Variants in KCND2 observed in about 807,000 individuals in gnomAD.
KCND2 encodes potassium voltage-gated channel subfamily D member 2.
KCND2 carries 16 observed loss-of-function variants against 54.4 expected under a neutral mutation model. The observed-to-expected ratio is 0.29, with a 90% CI of 0.20 to 0.45. The LOEUF is 0.45. KCND2 is among the 20% of genes least tolerant of loss of function. KCND2 has a pLI of 1.00. For missense variants in KCND2, 486 were observed against 824.2 expected (o/e 0.59, Z 5.02); for synonymous variants, 317 against 310.7 (o/e 1.02, Z -0.21).
intron 1 of KCND2, among the ~76,000 whole-genome samples, chr7:120,702,549 A>G (rs539770086): frequency 6.6e-6 from 1 of 152,230 alleles, no homozygotes; most frequent in Non-Finnish European, 1.5e-5. Flanking sequence ...CTAAATGTCC[A>G]TCAATAGTAG....
chr7:120,745,531 A>G (rs2116189120), intron 4 of KCND2, among the ~76,000 whole-genome samples: 1 of 152,202 alleles, frequency 6.6e-6, no homozygotes, highest in East Asian at 1.9e-4. Flanking sequence ...TTCAAGATAA[A>G]GTTAGTCTAT....
intron 1 of KCND2, among the ~76,000 whole-genome samples, chr7:120,600,240 T>C (rs1260231907): frequency 2.6e-5 from 4 of 151,974 alleles, no homozygotes; most frequent in Non-Finnish European, 4.4e-5. Flanking sequence ...CCATAATCCA[T>C]CCCTTGTATA....
At chr7:120,693,275 C>G (rs1792294314) in intron 1 of KCND2, among the ~76,000 whole-genome samples, 1 of 152,084 alleles carries the variant, frequency 6.6e-6, no homozygotes, top group South Asian at 2.1e-4. Context: ...AATAATCATA[C>G]TATTCATCCT....
chr7:120,343,361 G>A (rs891551767), intron 1 of KCND2, among the ~76,000 whole-genome samples: 2 of 151,964 alleles, frequency 1.3e-5, no homozygotes, highest in Non-Finnish European at 2.9e-5. Context: ...GTAGAAAATG[G>A]GTAGAACATT....
intron 1 of KCND2, among the ~76,000 whole-genome samples, chr7:120,616,969 T>C (rs1195904879): frequency 6.6e-6 from 1 of 152,156 alleles, no homozygotes; most frequent in African/African-American, 2.4e-5. Context: ...AAACAACTGA[T>C]CATTGGGGTC....
chr7:120,692,372 T>C (rs1283865782), intron 1 of KCND2, among the ~76,000 whole-genome samples: 3 of 152,168 alleles, frequency 2.0e-5, no homozygotes, highest in Non-Finnish European at 4.4e-5. Context: ...TTAAATTCCT[T>C]AATACAAACT....
At chr7:120,454,670 G>A (rs1464274311) in intron 1 of KCND2, among the ~76,000 whole-genome samples, 1 of 152,040 alleles carries the variant, frequency 6.6e-6, no homozygotes, top group Non-Finnish European at 1.5e-5. Context: ...TCCAAAAATT[G>A]AGAAAAGGGA....
At chr7:120,277,137 C>G (rs1174829257) in intron 1 of KCND2, among the ~76,000 whole-genome samples, 1 of 152,032 alleles carries the variant, frequency 6.6e-6, no homozygotes, top group East Asian at 1.9e-4. Context: ...CTAGGTTAAA[C>G]AAGAAATTGG....
intron 1 of KCND2, among the ~76,000 whole-genome samples, chr7:120,702,336 T>C (rs1792412917): frequency 6.6e-6 from 1 of 152,180 alleles, no homozygotes; most frequent in African/African-American, 2.4e-5. Context: ...TTATATGCAG[T>C]TGATAGGAGT....
intron 1 of KCND2, among the ~76,000 whole-genome samples, chr7:120,278,868 A>AT (rs571850677): frequency 1.3e-5 from 2 of 151,602 alleles, no homozygotes; most frequent in Non-Finnish European, 3.0e-5. Flanking sequence ...TAATGTCAGA[A>AT]TTTTTTTTAA....
chr7:120,640,714 A>G (rs1554379754), intron 1 of KCND2, among the ~76,000 whole-genome samples: 1 of 152,218 alleles, frequency 6.6e-6, no homozygotes, highest in Non-Finnish European at 1.5e-5. Flanking sequence ...TCAGTGATGT[A>G]ATAATGCTGC....
At chr7:120,290,709 A>T (rs1799422590) in intron 1 of KCND2, among the ~76,000 whole-genome samples, 1 of 151,982 alleles carries the variant, frequency 6.6e-6, no homozygotes, top group Non-Finnish European at 1.5e-5. Flanking sequence ...TATCCTGTAC[A>T]TTAAGAGCTA....
chr7:120,404,715 G>A (rs1801323696), intron 1 of KCND2, among the ~76,000 whole-genome samples: 1 of 152,092 alleles, frequency 6.6e-6, no homozygotes, highest in Non-Finnish European at 1.5e-5. Context: ...TTTTTGATAT[G>A]TGTGATAGAG....
chr7:120,717,961 A>G (rs1441249142), intron 1 of KCND2, among the ~76,000 whole-genome samples: 1 of 152,036 alleles, frequency 6.6e-6, no homozygotes, highest in African/African-American at 2.4e-5. Flanking sequence ...TTGGAGCATA[A>G]TACCTTCTCC....
At chr7:120,450,615 G>T (rs1054930675) in intron 1 of KCND2, among the ~76,000 whole-genome samples, 6 of 152,170 alleles carry the variant, frequency 3.9e-5, no homozygotes, top group African/African-American at 1.4e-4. Context: ...CCTGTATTCA[G>T]CTGCAGCATG....
intron 1 of KCND2, among the ~76,000 whole-genome samples, chr7:120,647,628 A>G (rs1377086071): frequency 6.6e-6 from 1 of 152,168 alleles, no homozygotes; most frequent in East Asian, 1.9e-4. Flanking sequence ...AAGAACGGCT[A>G]ATTATTTTCA....
intron 1 of KCND2, among the ~76,000 whole-genome samples, chr7:120,324,552 A>C (rs1377526935): frequency 6.7e-6 from 1 of 150,236 alleles, no homozygotes; most frequent in African/African-American, 2.4e-5. Context: ...TTTATTAAAT[A>C]GGGAATCCTT....
intron 1 of KCND2, among the ~76,000 whole-genome samples, chr7:120,677,552 TATAG>T (rs1313318883): frequency 0.018 from 2,534 of 137,878 alleles, 70 homozygotes; most frequent in African/African-American, 0.072. Context: ...GATATAGATA[TATAG>T]ATATATAGAT....
chr7:120,599,498 G>A (rs1792788311), intron 1 of KCND2, among the ~76,000 whole-genome samples: 1 of 151,614 alleles, frequency 6.6e-6, no homozygotes, highest in African/African-American at 2.4e-5. Context: ...GTATTTTTTT[G>A]TTTCTTTTAT....
Sources: allele counts gnomAD v4.1 joint callset (sites outside exome capture counted in the v4.1 genomes callset), GRCh38; gene constraint gnomAD v4.1.1; transcripts MANE v1.5; gene names NCBI Gene and HGNC (gene_info 2026-07-23, HGNC 2026-07-21).